EPM2A: variants seen among roughly 807,000 people sequenced by gnomAD.
The protein encoded by EPM2A is EPM2A glucan phosphatase, laforin.
Under a neutral mutation model 26.5 loss-of-function variants are expected in EPM2A, and 21 were observed. The ratio of observed to expected loss-of-function variants is 0.79; its 90% CI spans 0.56 to 1.14. EPM2A has a LOEUF of 1.14. Ranked by LOEUF, EPM2A falls within the 50% of genes most tolerant of loss-of-function variation. EPM2A has a pLI of 0.00. For synonymous variants in EPM2A, 217 were observed against 177.6 expected, an observed-to-expected ratio of 1.22 and a Z score of -1.76; for missense variants, 458 against 440.8, an observed-to-expected ratio of 1.04 and a Z score of -0.35.
chr6:145,567,819 A>G (rs1428492531), intron 2 of EPM2A, among the ~76,000 whole-genome samples: 1 of 152,096 alleles, frequency 6.6e-6, no homozygotes, highest in African/African-American at 2.4e-5. Flanking sequence ...CCCAGCCATC[A>G]CTCTCTCAGA....
intron 4 of EPM2A, among the ~76,000 whole-genome samples, chr6:145,474,652 CA>C (rs1779519755): frequency 6.6e-6 from 1 of 151,948 alleles, no homozygotes; most frequent in Non-Finnish European, 1.5e-5. Context: ...TTCTGCACAG[CA>C]AAAGAAACTA....
At chr6:145,482,359 T>A (rs1366174719) in intron 4 of EPM2A, among the ~76,000 whole-genome samples, 1 of 152,160 alleles carries the variant, frequency 6.6e-6, no homozygotes, top group Non-Finnish European at 1.5e-5. Flanking sequence ...ATAGTGAATA[T>A]AATGGTCATT....
chr6:145,732,268 G>GT (rs1363045692), intron 1 of EPM2A, among the ~76,000 whole-genome samples: 2 of 150,516 alleles, frequency 1.3e-5, no homozygotes, highest in East Asian at 3.9e-4. Context: ...AGAGGAATGT[G>GT]TAAGTAAGCT....
intron 4 of EPM2A, among the ~76,000 whole-genome samples, chr6:145,484,618 A>G (rs1562353325): frequency 6.6e-6 from 1 of 152,080 alleles, no homozygotes; most frequent in Non-Finnish European, 1.5e-5. Context: ...TAACTGCTGG[A>G]TCCCTTTAAA....
intron 4 of EPM2A, among the ~76,000 whole-genome samples, chr6:145,437,641 A>G (rs1242395633): frequency 6.6e-6 from 1 of 152,198 alleles, no homozygotes; most frequent in Non-Finnish European, 1.5e-5. Flanking sequence ...AAAACAAATA[A>G]ACAAACAGTC....
rs116762170 is a variant in EPM2A, at chr6:145,613,148, G to A, written c.340+22097C>T. 8.5e-5 allele frequency among the ~76,000 whole-genome samples: 13 copies of A among 152,092 alleles called. No homozygotes were observed. In the East Asian group the frequency reaches 9.7e-4, roughly 11 times the overall value. ...TCAGTATTCTAAATCATTTGTTGTC[G>A]TTTCCACAATGTTCACGGCATCTCC... is the stretch of plus-strand genomic sequence containing the variant. On this transcript the variant is annotated intron_variant, in intron 2 of 3. Coordinates refer to the EPM2A transcript ENST00000450221.
At chr6:145,678,299 G>A (rs755610850) in intron 2 of EPM2A, among the ~76,000 whole-genome samples, 14 of 152,178 alleles carry the variant, frequency 9.2e-5, no homozygotes, top group Non-Finnish European at 1.9e-4. Context: ...TAAAAACCCT[G>A]GAAGAAAACC....
rs556209233 is a variant in EPM2A at position 145,613,525 on chromosome 6, C to T, written c.340+21720G>A. 1.1e-4 allele frequency among the ~76,000 whole-genome samples: 17 copies of T among 152,232 alleles called. No individual in the cohort carries two copies. In the South Asian group the frequency reaches 3.5e-3, roughly 32 times the overall value. ...TGCCTAGATCCATCAAGAGGAATCA[C>T]TATGGAAGTTACAGCTTTTTGAAAT... On this transcript the variant is annotated intron_variant, in intron 2 of 3. Coordinates refer to the EPM2A transcript ENST00000450221.
intron 4 of EPM2A, among the ~76,000 whole-genome samples, chr6:145,406,823 T>G (rs1395118742): frequency 1.3e-5 from 2 of 152,158 alleles, no homozygotes; most frequent in African/African-American, 2.4e-5. Context: ...TCATTAGAAA[T>G]GCAAATCCTT....
At chr6:145,591,750 A>T (rs1271827910) in intron 2 of EPM2A, among the ~76,000 whole-genome samples, 1 of 152,122 alleles carries the variant, frequency 6.6e-6, no homozygotes, top group Admixed American at 6.5e-5. Flanking sequence ...ATATAAAGAA[A>T]GGAAGAGATA....
chr6:145,708,930 G>C (rs1326101806), intron 1 of EPM2A, among the ~76,000 whole-genome samples: 1 of 152,196 alleles, frequency 6.6e-6, no homozygotes, highest in African/African-American at 2.4e-5. Flanking sequence ...TGACCTGGAT[G>C]TGAGATATAA....
At chr6:145,470,522 A>G (rs1163423745) in intron 4 of EPM2A, among the ~76,000 whole-genome samples, 1 of 152,086 alleles carries the variant, frequency 6.6e-6, no homozygotes, top group African/African-American at 2.4e-5. Flanking sequence ...TCAATAATTT[A>G]TTTTTATATT....
intron 4 of EPM2A, among the ~76,000 whole-genome samples, chr6:145,486,051 A>G (rs1393465255): frequency 6.6e-6 from 1 of 152,226 alleles, no homozygotes; most frequent in East Asian, 1.9e-4. Flanking sequence ...CAGCCAAACC[A>G]AAGCCAAGAA....
At chr6:145,685,727 A>G (rs1356170480) in intron 2 of EPM2A, among the ~76,000 whole-genome samples, 1 of 152,172 alleles carries the variant, frequency 6.6e-6, no homozygotes, top group African/African-American at 2.4e-5. Context: ...ATTTTCACAC[A>G]TATTTATTTG....
chr6:145,485,121 C>T (rs34409260), intron 4 of EPM2A, among the ~76,000 whole-genome samples: 2,020 of 151,520 alleles, frequency 0.013, 27 homozygotes, highest in South Asian at 0.07. Context: ...TTCCCCAGCA[C>T]ACATTATAGC....
intron 1 of EPM2A, among the ~76,000 whole-genome samples, chr6:145,710,778 A>T (rs1775269617): frequency 1.3e-5 from 2 of 152,264 alleles, no homozygotes; most frequent in Admixed American, 1.3e-4. Context: ...ACACCATGGA[A>T]TACTATGCAG....
At chr6:145,402,203 G>A (rs563144435) in intron 4 of EPM2A, among the ~76,000 whole-genome samples, 1 of 152,238 alleles carries the variant, frequency 6.6e-6, no homozygotes, top group South Asian at 2.1e-4. Flanking sequence ...TGATGCTCTA[G>A]TGAGACAAAT....
intron 4 of EPM2A, among the ~76,000 whole-genome samples, chr6:145,494,233 T>C (rs980626156): frequency 1.3e-5 from 2 of 152,314 alleles, no homozygotes; most frequent in African/African-American, 4.8e-5. Context: ...TGTCCAGGAA[T>C]TTATCCATTT....
intron 1 of EPM2A, chr6:145,705,692 C>G (rs1275353156): frequency 2.5e-6 from 1 of 404,686 alleles, no homozygotes; most frequent in Admixed American, 2.8e-5. Flanking sequence ...TTTGAAATAG[C>G]AACAATTTCT....
Sources: gnomAD v4.1 joint callset for allele counts (sites outside exome capture counted in the v4.1 genomes callset) on GRCh38, gnomAD v4.1.1 for gene constraint, MANE v1.5 for transcripts, NCBI Gene and HGNC (gene_info 2026-07-23, HGNC 2026-07-21) for gene names.